CHEK1: variants seen among roughly 807,000 people sequenced by gnomAD.
CHEK1 encodes serine/threonine-protein kinase Chk1.
CHEK1 carries 32 observed loss-of-function variants against 60.2 expected under a neutral mutation model. The observed-to-expected ratio is 0.53, with a 90% CI of 0.40 to 0.71. The LOEUF is 0.71. CHEK1 is among the 30% of genes least tolerant of loss of function. The probability of loss-of-function intolerance (pLI) is 0.00; values close to 1 mark genes in which losing one functional copy is unlikely to be tolerated. For missense variants in CHEK1, 399 were observed against 564.6 expected, an observed-to-expected ratio of 0.71 and a Z score of 2.97; for synonymous variants, 179 against 187.2, an observed-to-expected ratio of 0.96 and a Z score of 0.36.
intron 11 of CHEK1, among the ~76,000 whole-genome samples, chr11:125,650,454 GTTTGTTT>G (rs1416232122): frequency 8.3e-6 from 1 of 120,474 alleles, no homozygotes; most frequent in Non-Finnish European, 1.7e-5. Flanking sequence ...TTTTAGTGGT[GTTTGTTT>G]TTTTTTTTTT....
chr11:125,635,101 A>T (rs141113227), intron 6 of CHEK1, among the ~76,000 whole-genome samples: 78 of 152,100 alleles, frequency 5.1e-4, no homozygotes, highest in Non-Finnish European at 1.0e-3. Flanking sequence ...AGGACTACAG[A>T]TGCACACCAT....
chr11:125,638,802 C>T lies in CHEK1; in HGVS notation c.814+1258C>T, dbSNP rs144083568. Among the ~76,000 whole-genome samples, 38 of 152,210 alleles carry T rather than the reference C, an allele frequency of 2.5e-4. No individual in the cohort carries two copies. In the East Asian group the frequency reaches 4.8e-3, roughly 19 times the overall value. ...GCAAAATGACTCTTGATGTTATTTTCGTCATGATTCTTGGTGATTTAAATA... is the reference window on the plus strand; with the variant it reads ...GCAAAATGACTCTTGATGTTATTTTTGTCATGATTCTTGGTGATTTAAATA... On this transcript the variant is annotated intron_variant, in intron 8 of 12. Coordinates refer to ENST00000438015, the MANE Select transcript of CHEK1 (RefSeq NM_001114122.3).
chr11:125,678,421 C>T, downstream of CHEK1: 1 of 1,134,998 alleles, frequency 8.8e-7, no homozygotes. Flanking sequence ...AGATTGGGCA[C>T]CTGAAGACTG....
chr11:125,655,509 T>C lies in CHEK1; in HGVS notation c.*189T>C, dbSNP rs1363674707. ...CATACAAATAATACCTATATCTTAA[T>C]TGTAAGCAAAACTTTGGGGAAAGGA... On this transcript the variant is annotated 3_prime_UTR_variant, in exon 13 of 13. Coordinates refer to ENST00000438015, the MANE Select transcript of CHEK1 (RefSeq NM_001114122.3). The C allele has an allele frequency of 2.4e-6, 1 of 420,774 alleles. No individual in the cohort carries two copies. Among genetic ancestry groups the C allele is most frequent in the East Asian group, 3.7e-5 (1 of 27,238 alleles). The allele number at this position is 420,774 out of a possible 1,614,324, so 26.1% of individuals were successfully genotyped here. A position where few individuals can be genotyped will look rare whatever the true frequency, so the allele number is the denominator to read the frequency against.
downstream of CHEK1, among the ~76,000 whole-genome samples, chr11:125,680,074 G>A (rs1362055804): frequency 6.6e-6 from 1 of 152,198 alleles, no homozygotes; most frequent in Non-Finnish European, 1.5e-5. Flanking sequence ...ACATTTTTGA[G>A]TCAACTTTTG....
chr11:125,628,156 T>C (rs545655251), intron 3 of CHEK1, among the ~76,000 whole-genome samples: 25 of 152,374 alleles, frequency 1.6e-4, no homozygotes, highest in Middle Eastern at 3.4e-3. Flanking sequence ...ACACAATTTT[T>C]TCTTTGTAGA....
chr11:125,646,222 T>C (rs1941500285), intron 11 of CHEK1, among the ~76,000 whole-genome samples: 1 of 152,168 alleles, frequency 6.6e-6, no homozygotes, highest in Non-Finnish European at 1.5e-5. Flanking sequence ...TTTATATAAA[T>C]GGAATCATAT....
At chr11:125,649,731 C>CAAA in intron 11 of CHEK1, 2 of 128,794 alleles carry the variant, frequency 1.6e-5, no homozygotes, top group Non-Finnish European at 3.3e-5. Flanking sequence ...AAGACTGTCT[C>CAAA]AAAAAAAAAA....
In CHEK1 at chr11:125,626,779, C is replaced by T; in HGVS notation, c.11C>T (p.Pro4Leu). 2 of 1,613,968 alleles carry T rather than the reference C, an allele frequency of 1.2e-6. No homozygotes were observed. Among genetic ancestry groups the T allele is most frequent in the African/African-American group, 2.7e-5 (2 of 74,944 alleles). Residue 4 changes from proline (P) to leucine (L), a missense_variant, in exon 2 of 13, where the codon CCC (proline) becomes CTC (leucine). By Grantham distance (98) the Pro-to-Leu change is moderately conservative. This residue lies in a region of CHEK1 where 370 missense variants were observed against 494.8 expected (regional missense o/e 0.75). Transcript: ENST00000438015. ...GTGCTCGGTGGAGTCATGGCAGTGCCCTTTGTGGAAGACTGGGACTTGGTG... is the reference window on the plus strand; with the variant it reads ...GTGCTCGGTGGAGTCATGGCAGTGCTCTTTGTGGAAGACTGGGACTTGGTG... MAV[P>L]FVEDWDLVQT...
At chr11:125,649,140 A>G (rs530073982) in intron 11 of CHEK1, among the ~76,000 whole-genome samples, 1 of 152,104 alleles carries the variant, frequency 6.6e-6, no homozygotes, top group African/African-American at 2.4e-5. Flanking sequence ...TATTTTGTCT[A>G]ATGTTAGTAT....
chr11:125,648,637 T>C (rs1432806753), intron 11 of CHEK1, among the ~76,000 whole-genome samples: 2 of 149,814 alleles, frequency 1.3e-5, no homozygotes, highest in African/African-American at 4.9e-5. Flanking sequence ...TGTTTTACTT[T>C]TTTTTTTTTT....
At chr11:125,648,111 CTT>C (rs34956393) in intron 11 of CHEK1, among the ~76,000 whole-genome samples, 1 of 146,330 alleles carries the variant, frequency 6.8e-6, no homozygotes, top group African/African-American at 2.5e-5. Flanking sequence ...CCTGTTTATT[CTT>C]TTTTTTTTTA....
chr11:125,626,736 C>T lies in CHEK1; in HGVS notation c.-20-13C>T. The T allele has an allele frequency of 6.2e-7, 1 of 1,613,594 alleles. No homozygotes were observed. The highest frequency in any genetic ancestry group is 1.3e-5 in the African/African-American group (1 of 75,004). ...TACACTCTACATCTTTTCTGGATTCCTGCCTTTTACAGCCGAGGTGCTCGG... is the reference window on the plus strand; with the variant it reads ...TACACTCTACATCTTTTCTGGATTCTTGCCTTTTACAGCCGAGGTGCTCGG... On this transcript the variant is annotated splice_polypyrimidine_tract_variant and intron_variant, in intron 1 of 12. Coordinates refer to ENST00000438015, the MANE Select transcript of CHEK1 (RefSeq NM_001114122.3).
chr11:125,643,764 A>G, intron 8 of CHEK1, 28 bp from the exon 9 acceptor site: 1 of 1,572,754 alleles, frequency 6.4e-7, no homozygotes, highest in Non-Finnish European at 8.7e-7. Flanking sequence ...GAAGACTTGA[A>G]AGCATTTGTA....
rs946157626 is a variant in CHEK1, at chr11:125,625,879, G to T, written c.-154G>T. The stretch of plus-strand genomic sequence containing the variant: ...TTTTGGAGCCGCCGACATTCAGAGG[G>T]GCAGGACACGGGAACGCGCGCTGTC... On this transcript the variant is annotated 5_prime_UTR_variant, in exon 1 of 13. Coordinates refer to ENST00000438015, the MANE Select transcript of CHEK1 (RefSeq NM_001114122.3). 4.3e-6 allele frequency: 3 copies of T among 702,548 alleles called. No individual in the cohort carries two copies. The highest frequency in any genetic ancestry group is 2.0e-5 in the Admixed American group (1 of 50,002). The allele number at this position is 702,548 out of a possible 1,614,324, so 43.5% of individuals were successfully genotyped here.
At chr11:125,678,621 G>A (rs1565397216), downstream of CHEK1, among the ~76,000 whole-genome samples, 1 of 152,012 alleles carries the variant, frequency 6.6e-6, no homozygotes. Flanking sequence ...GTGCCTCCCT[G>A]ACAAAGTCAG....
downstream of CHEK1, chr11:125,676,283 T>C (rs1942503198): frequency 1.3e-6 from 2 of 1,546,800 alleles, no homozygotes; most frequent in African/African-American, 1.4e-5. Context: ...TGGGCCCCTG[T>C]CATTCCAACT....
In CHEK1 at chr11:125,629,313, A is replaced by G. The variant is rs752465693; in HGVS notation, c.354+17A>G. 3.1e-6 allele frequency: 5 copies of G among 1,613,730 alleles called. No homozygotes were observed. The East Asian group carries it at 1.1e-4, about 36-fold the overall frequency. Reference sequence around the variant, plus strand: ...GCAGGGGTGGTAGGTATAGTTGTCTATTTCCCTTTTACTTAAAATTAGAGT... The same window carrying G: ...GCAGGGGTGGTAGGTATAGTTGTCTGTTTCCCTTTTACTTAAAATTAGAGT... On this transcript the variant is annotated intron_variant, in intron 4 of 12. Transcript: ENST00000438015.
rs369609024 is a variant in CHEK1 at position 125,644,279 on chromosome 11, T to A, written c.1101+11T>A. 1.9e-5 allele frequency: 31 copies of A among 1,595,430 alleles called. No homozygotes were observed. The highest frequency in any genetic ancestry group is 1.7e-4 in the Middle Eastern group (1 of 5,986). ...CCAGGATCCTCACAGGTGAGGGAAT[T>A]TAATTTTTTAAAAGTAATGGCAGCT... is the stretch of plus-strand genomic sequence containing the variant. On this transcript the variant is annotated intron_variant, in intron 10 of 12. Transcript: ENST00000438015.
Sources: allele counts gnomAD v4.1 joint callset (sites outside exome capture counted in the v4.1 genomes callset), GRCh38; gene constraint gnomAD v4.1.1; regional missense constraint gnomAD v4.1.1; transcripts MANE v1.5; gene names NCBI Gene and HGNC (gene_info 2026-07-23, HGNC 2026-07-21).